The following AGPAT4 variants were observed in gnomAD, a reference collection of about 807,000 sequenced individuals.
AGPAT4 encodes 1-acyl-sn-glycerol-3-phosphate acyltransferase delta.
In AGPAT4, 15 loss-of-function variants were observed where a neutral mutation model predicts 48.0. The observed-to-expected ratio is 0.31, with a 90% confidence interval of 0.21 to 0.48. The LOEUF is 0.48. Ranked by LOEUF, AGPAT4 falls within the 20% of genes least tolerant of loss-of-function variation. The pLI, the probability that AGPAT4 is intolerant of heterozygous loss-of-function variation, is 0.99. For synonymous variants in AGPAT4, 178 were observed against 198.7 expected, an observed-to-expected ratio of 0.90 and a Z score of 0.88; for missense variants, 314 against 482.5, an observed-to-expected ratio of 0.65 and a Z score of 3.27.
At chr6:161,256,249 G>C (rs1186680420) in intron 1 of AGPAT4, among the ~76,000 whole-genome samples, 1 of 152,186 alleles carries the variant, frequency 6.6e-6, no homozygotes, top group Non-Finnish European at 1.5e-5. Context: ...AAGCTGGAAG[G>C]ATACGAAAAC....
rs1782229702 is a variant in AGPAT4, at chr6:161,234,893, A to G, written c.-89-2591T>C. Among the ~76,000 whole-genome samples, 1 of 152,056 alleles carries G rather than the reference A, an allele frequency of 6.6e-6. No homozygotes were observed. Among genetic ancestry groups the G allele is most frequent in the Non-Finnish European group, 1.5e-5 (1 of 68,012 alleles). On this transcript the variant is annotated intron_variant, in intron 1 of 8. Coordinates refer to ENST00000320285, the MANE Select transcript of AGPAT4 (RefSeq NM_020133.3). This position sits in a 1 kb window ranked among gnomAD's most constrained non-coding sequence, Gnocchi z 4.4. ...TTAAGAATTCTTTTTTCCTTATAAA[A>G]TTTCAAGGTAAATTGAAATTTTACC...
Position 161,161,398 on chromosome 6 carries a change from A to G in AGPAT4, c.348+4850T>C, listed in dbSNP as rs1291803740. The G allele has an allele frequency of 6.6e-6, 3 of 456,672 alleles. No homozygotes were observed. The Admixed American group carries it at 7.0e-5, about 11-fold the overall frequency. 28.3% of individuals were successfully genotyped at this position (456,672 alleles called of 1,614,324 possible). On this transcript the variant is annotated intron_variant, in intron 3 of 8. Transcript: ENST00000320285. This position sits in a 1 kb window ranked among gnomAD's most constrained non-coding sequence, Gnocchi z 4.6. ...CATTATCGGGTTCCTCATCCATGTG[A>G]TTCCAGATCCCAGCACACTTGCCAA...
At chr6:161,151,146 C>G (rs1172244097) in intron 5 of AGPAT4, among the ~76,000 whole-genome samples, 1 of 152,200 alleles carries the variant, frequency 6.6e-6, no homozygotes, top group Non-Finnish European at 1.5e-5. Context: ...GCTGCCAGCC[C>G]CCGCCAGCCA....
intron 2 of AGPAT4, among the ~76,000 whole-genome samples, chr6:161,181,832 C>A (rs1780604412): frequency 6.6e-6 from 1 of 152,070 alleles, no homozygotes; most frequent in Non-Finnish European, 1.5e-5. Context: ...TGAAAGCCAT[C>A]AGGATTATAT....
chr6:161,271,752 T>A lies in AGPAT4; in HGVS notation c.-90+2186A>T, dbSNP rs3798959. On this transcript the variant is annotated intron_variant, in intron 1 of 8. Transcript: ENST00000320285. ...GAAGTCTTGCTCTTTTTCCTTTCAG[T>A]TCTATTCCATTAGGCTTTTTGCTGT... Among the ~76,000 whole-genome samples the A allele has an allele frequency of 2.9e-3, 436 of 152,362 alleles. 8 individuals carry two copies. The East Asian group carries it at 0.044, about 15-fold the overall frequency.
At chr6:161,241,691 A>G (rs1001400673) in intron 1 of AGPAT4, among the ~76,000 whole-genome samples, 2 of 152,296 alleles carry the variant, frequency 1.3e-5, no homozygotes, top group South Asian at 2.1e-4. Flanking sequence ...AGTGTTCTCT[A>G]AGGCTTTCCG....
chr6:161,174,894 C>T (rs1351221254), intron 2 of AGPAT4, among the ~76,000 whole-genome samples: 1 of 152,120 alleles, frequency 6.6e-6, no homozygotes, highest in East Asian at 1.9e-4. Context: ...TTCTGCATCT[C>T]TTGAGATGAT....
rs943387125 is a variant in AGPAT4 at position 161,184,219 on chromosome 6, A to G, written c.179-17802T>C. 6.6e-6 allele frequency among the ~76,000 whole-genome samples: 1 copy of G among 151,158 alleles called. No individual in the cohort carries two copies. The highest frequency in any genetic ancestry group is 1.5e-5 in the Non-Finnish European group (1 of 67,752). Reference sequence around the variant, plus strand: ...AGCAGGCTACTGCAGTCAGCCCAACAGGGGTGGTGGGCTCGGTGGGCATAG... The same window carrying G: ...AGCAGGCTACTGCAGTCAGCCCAACGGGGGTGGTGGGCTCGGTGGGCATAG... On this transcript the variant is annotated intron_variant, in intron 2 of 8. Transcript: ENST00000320285. This position sits in a 1 kb window ranked among gnomAD's most constrained non-coding sequence, Gnocchi z 4.8.
rs1781433238 is a variant in AGPAT4 at position 161,208,343 on chromosome 6, C to T, written c.178+23693G>A. Among the ~76,000 whole-genome samples the T allele has an allele frequency of 6.6e-6, 1 of 152,168 alleles. No individual in the cohort carries two copies. The highest frequency in any genetic ancestry group is 6.5e-5 in the Admixed American group (1 of 15,270). On this transcript the variant is annotated intron_variant, in intron 2 of 8. Transcript: ENST00000320285. The surrounding 1 kb of genome is among the most constrained non-coding windows in gnomAD (Gnocchi z 4.6). ...GTGCTCTTGTACATTTATCATCTTTCTGGCTTTGGCAAGATCTCCCTTTTG... is the reference window on the plus strand; with the variant it reads ...GTGCTCTTGTACATTTATCATCTTTTTGGCTTTGGCAAGATCTCCCTTTTG...
In AGPAT4 at chr6:161,178,472, C is replaced by A. The variant is rs746317019; in HGVS notation, c.179-12055G>T. ...TCTCCTGGTGTGCCATTTGCTAAGA[C>A]CGTTGGAAAAGCGCAGTATTAGGGT... On this transcript the variant is annotated intron_variant, in intron 2 of 8. Transcript: ENST00000320285. This position sits in a 1 kb window ranked among gnomAD's most constrained non-coding sequence, Gnocchi z 5.1. 3.9e-5 allele frequency among the ~76,000 whole-genome samples: 6 copies of A among 152,198 alleles called. No individual in the cohort carries two copies. Among genetic ancestry groups the A allele is most frequent in the Non-Finnish European group, 7.3e-5 (5 of 68,038 alleles).
At position 161,171,405 on chromosome 6, in the gene AGPAT4, T is replaced by C. The variant is rs944726650; in HGVS notation, c.179-4988A>G. Among the ~76,000 whole-genome samples the C allele has an allele frequency of 4.6e-5, 7 of 152,052 alleles. No individual in the cohort carries two copies. The East Asian group carries it at 1.4e-3, about 29-fold the overall frequency. On this transcript the variant is annotated intron_variant, in intron 2 of 8. Transcript: ENST00000320285. This position sits in a 1 kb window ranked among gnomAD's most constrained non-coding sequence, Gnocchi z 4.4. ...AGGTCCTTCTTGCTGTGTCATCCCA[T>C]AGGGGAAGGCAGAAGGCAGAAGGGC...
intron 2 of AGPAT4, among the ~76,000 whole-genome samples, chr6:161,167,757 G>A (rs762780360): frequency 4.6e-5 from 7 of 152,208 alleles, no homozygotes; most frequent in Admixed American, 1.3e-4. Context: ...CAGTTTTTAC[G>A]CAGTGAGCAC....
chr6:161,153,107 C>T (rs117004988), intron 5 of AGPAT4, among the ~76,000 whole-genome samples: 1,955 of 152,302 alleles, frequency 0.013, 20 homozygotes, highest in Middle Eastern at 0.024. Flanking sequence ...CAGAGGGCAG[C>T]GCTGGCCTGG....
intron 2 of AGPAT4, among the ~76,000 whole-genome samples, chr6:161,181,319 TG>T (rs1487238714): frequency 5.9e-5 from 9 of 152,290 alleles, no homozygotes; most frequent in African/African-American, 1.7e-4. Context: ...GGTTCTGTTG[TG>T]GTGCCAAGCA....
At chr6:161,185,965 A>T (rs1219176335) in intron 2 of AGPAT4, among the ~76,000 whole-genome samples, 1 of 152,226 alleles carries the variant, frequency 6.6e-6, no homozygotes, top group African/African-American at 2.4e-5. Flanking sequence ...AAAGGTCTAA[A>T]GTTCCCGAAG....
chr6:161,215,291 C>T lies in AGPAT4; in HGVS notation c.178+16745G>A, dbSNP rs757687227. 2.0e-4 allele frequency among the ~76,000 whole-genome samples: 30 copies of T among 152,142 alleles called. No homozygotes were observed. Among genetic ancestry groups the T allele is most frequent in the Non-Finnish European group, 3.7e-4 (25 of 68,024 alleles). Reference sequence around the variant, plus strand: ...AAATGTTTCTGTAGAATTAAGCTTCCCCGTATCTGTGGGTTGAAAATGTTT... The same window carrying T: ...AAATGTTTCTGTAGAATTAAGCTTCTCCGTATCTGTGGGTTGAAAATGTTT... On this transcript the variant is annotated intron_variant, in intron 2 of 8. Coordinates refer to ENST00000320285, the MANE Select transcript of AGPAT4 (RefSeq NM_020133.3). The surrounding 1 kb of genome is among the most constrained non-coding windows in gnomAD (Gnocchi z 4.5).
rs1779734277 is a variant in AGPAT4, at chr6:161,155,222, C to T, written c.349-912G>A. Reference sequence around the variant, plus strand: ...ATCAGTCCCCCTACACTGAGGAAGACCAGGGCTTCAGTGGGATGGACGGGG... The same window carrying T: ...ATCAGTCCCCCTACACTGAGGAAGATCAGGGCTTCAGTGGGATGGACGGGG... On this transcript the variant is annotated intron_variant, in intron 3 of 8. Coordinates refer to ENST00000320285, the MANE Select transcript of AGPAT4 (RefSeq NM_020133.3). The surrounding 1 kb of genome is among the most constrained non-coding windows in gnomAD (Gnocchi z 5.8). Among the ~76,000 whole-genome samples the T allele has an allele frequency of 6.6e-6, 1 of 152,180 alleles. No individual in the cohort carries two copies. The highest frequency in any genetic ancestry group is 2.1e-4 in the South Asian group (1 of 4,828).
intron 2 of AGPAT4, among the ~76,000 whole-genome samples, chr6:161,190,031 G>A (rs546943128): frequency 6.6e-6 from 1 of 152,228 alleles, no homozygotes; most frequent in South Asian, 2.1e-4. Context: ...TGAAATACAG[G>A]AATTAAAACG....
rs902043707 is a variant in AGPAT4 at position 161,246,399 on chromosome 6, T to A, written c.-89-14097A>T. Among the ~76,000 whole-genome samples the A allele has an allele frequency of 6.6e-6, 1 of 151,390 alleles. No individual in the cohort carries two copies. The highest frequency in any genetic ancestry group is 1.5e-5 in the Non-Finnish European group (1 of 68,008). On this transcript the variant is annotated intron_variant, in intron 1 of 8. Transcript: ENST00000320285. This position sits in a 1 kb window ranked among gnomAD's most constrained non-coding sequence, Gnocchi z 5.5. The stretch of plus-strand genomic sequence containing the variant: ...TAACATTGCATTAGACTTCTGAGCA[T>A]AGGCACAGGGGATTCTTTTTTTTTT...
Sources: gnomAD v4.1 joint callset for allele counts (sites outside exome capture counted in the v4.1 genomes callset) on GRCh38, gnomAD v4.1.1 for gene constraint, Gnocchi (gnomAD v3.1) non-coding constraint, MANE v1.5 for transcripts, NCBI Gene and HGNC (gene_info 2026-07-23, HGNC 2026-07-21) for gene names.